GRK5: variants seen among roughly 807,000 people sequenced by gnomAD.
GRK5 encodes the protein G protein-coupled receptor kinase 5.
A neutral mutation model predicts 78.4 loss-of-function variants in GRK5; 40 were observed. The observed-to-expected ratio is 0.51, with a 90% CI of 0.40 to 0.66. The LOEUF (loss-of-function observed/expected upper bound fraction) is 0.66, where lower values mean the gene tolerates loss of function less well. GRK5 is among the 30% of genes least tolerant of loss of function. The probability of loss-of-function intolerance (pLI) is 0.00; values close to 1 mark genes in which losing one functional copy is unlikely to be tolerated. For missense variants in GRK5, 598 were observed against 759.9 expected (o/e 0.79, Z 2.50); for synonymous variants, 289 against 296.8 (o/e 0.97, Z 0.27).
intron 1 of GRK5, among the ~76,000 whole-genome samples, chr10:119,210,163 G>A (rs570898285): frequency 5.3e-5 from 8 of 152,214 alleles, no homozygotes; most frequent in East Asian, 1.9e-4. Flanking sequence ...CCTTTTAAAG[G>A]CTTTTTCAAT....
chr10:119,291,570 TTCCTCCTCCTCCTCTTCC>T (rs1589725219), intron 1 of GRK5, among the ~76,000 whole-genome samples: 21 of 86,104 alleles, frequency 2.4e-4, no homozygotes, highest in South Asian at 8.8e-4. Context: ...CCTCCTCCTC[TTCCTCCTCCTCCTCTTCC>T]TCCTCCTCCT....
chr10:119,250,670 C>T (rs1308275352), intron 1 of GRK5, among the ~76,000 whole-genome samples: 2 of 152,106 alleles, frequency 1.3e-5, no homozygotes, highest in African/African-American at 2.4e-5. Context: ...ATTCCATCCA[C>T]ACTTTTTCCT....
chr10:119,369,060 A>G (rs2133818299), intron 2 of GRK5, among the ~76,000 whole-genome samples: 1 of 152,304 alleles, frequency 6.6e-6, no homozygotes, highest in East Asian at 1.9e-4. Context: ...TGGGCCGGGC[A>G]CTGATCCAGG....
chr10:119,221,182 ATG>A (rs1564852999), intron 1 of GRK5, among the ~76,000 whole-genome samples: 1 of 152,014 alleles, frequency 6.6e-6, no homozygotes, highest in Non-Finnish European at 1.5e-5. Flanking sequence ...CCAAAGGACC[ATG>A]TAAAGCATCT....
rs79799800 is a variant in GRK5, at chr10:119,232,173, C to T, written c.52+24204C>T. On this transcript the variant is annotated intron_variant, in intron 1 of 15. Coordinates refer to ENST00000392870, the MANE Select transcript of GRK5 (RefSeq NM_005308.3). ...CCCTGAAGAATGAAGTCTTGCCATT[C>T]GCAGCAACATGGATGGAACTGGAGG... is the stretch of plus-strand genomic sequence containing the variant. 2.1e-3 allele frequency among the ~76,000 whole-genome samples: 316 copies of T among 152,206 alleles called. 4 individuals are homozygous for T. The East Asian group carries it at 0.034, about 16-fold the overall frequency.
At chr10:119,281,070 G>A (rs940808188) in intron 1 of GRK5, among the ~76,000 whole-genome samples, 4 of 151,772 alleles carry the variant, frequency 2.6e-5, no homozygotes, top group African/African-American at 9.7e-5. Context: ...GAACCACCAC[G>A]CCCATCTGAT....
chr10:119,221,105 G>C (rs867835992), intron 1 of GRK5, among the ~76,000 whole-genome samples: 2 of 151,978 alleles, frequency 1.3e-5, no homozygotes, highest in African/African-American at 4.8e-5. Flanking sequence ...GCAGTGAGCC[G>C]AGATCGTGCC....
intron 4 of GRK5, among the ~76,000 whole-genome samples, chr10:119,421,576 TG>T (rs1852570020): frequency 1.3e-5 from 2 of 152,220 alleles, no homozygotes; most frequent in South Asian, 4.1e-4. Flanking sequence ...CTGTGTCTCC[TG>T]GGGCAGAGTG....
At chr10:119,215,345 G>T (rs1374224398) in intron 1 of GRK5, among the ~76,000 whole-genome samples, 1 of 152,088 alleles carries the variant, frequency 6.6e-6, no homozygotes, top group Non-Finnish European at 1.5e-5. Context: ...TGCATTTAGT[G>T]AGTGTGATAA....
At chr10:119,313,103 AATG>A (rs1277064168) in intron 1 of GRK5, among the ~76,000 whole-genome samples, 2 of 48,574 alleles carry the variant, frequency 4.1e-5, no homozygotes, top group Non-Finnish European at 8.3e-5. Flanking sequence ...TGGTGATGGT[AATG>A]ATGGTAGTGG....
intron 1 of GRK5, among the ~76,000 whole-genome samples, chr10:119,231,512 C>T (rs549463478): frequency 2.6e-5 from 4 of 151,876 alleles, no homozygotes; most frequent in African/African-American, 9.7e-5. Context: ...TCGAAACCAG[C>T]CTGACCAACA....
rs1351840542 is a variant in GRK5 at position 119,455,808 on chromosome 10, C to A, written c.*741C>A. 2.5e-5 allele frequency: 4 copies of A among 159,570 alleles called. No individual in the cohort carries two copies. The Admixed American group carries it at 2.6e-4, about 10-fold the overall frequency. 9.9% of individuals were successfully genotyped at this position (159,570 alleles called of 1,614,324 possible). A position where few individuals can be genotyped will look rare whatever the true frequency, so the allele number is the denominator to read the frequency against. On this transcript the variant is annotated 3_prime_UTR_variant, in exon 16 of 16. Coordinates refer to ENST00000392870, the MANE Select transcript of GRK5 (RefSeq NM_005308.3). ...GGAGTCGCCTAGGCTGAGCCCTTCT[C>A]CTCGAGGGGCACGCCGAGCCACTGT...
rs118162653 is a variant in GRK5 at position 119,407,022 on chromosome 10, C to A, written c.339+10250C>A. On this transcript the variant is annotated intron_variant, in intron 4 of 15. Transcript: ENST00000392870. Reference sequence around the variant, plus strand: ...ACTCAGGATGGGCGCCCAGGGAAATCTCAGGGGCTGCCCAGTTCTGGGCCC... The same window carrying A: ...ACTCAGGATGGGCGCCCAGGGAAATATCAGGGGCTGCCCAGTTCTGGGCCC... 7.6e-3 allele frequency among the ~76,000 whole-genome samples: 1,153 copies of A among 152,360 alleles called. 12 individuals are homozygous for A. Among genetic ancestry groups the A allele is most frequent in the Non-Finnish European group, 0.012 (825 of 68,034 alleles).
rs1003188883 is a variant in GRK5, at chr10:119,412,875, C to T, written c.340-10291C>T. ...CCTCTGCTTTCCCCACCCCAGACCC[C>T]GTCGCTGCAGCTGGGTGAGCAGGGC... On this transcript the variant is annotated intron_variant, in intron 4 of 15. Coordinates refer to ENST00000392870, the MANE Select transcript of GRK5 (RefSeq NM_005308.3). The surrounding 1 kb of genome is among the most constrained non-coding windows in gnomAD (Gnocchi z 4.3). Among the ~76,000 whole-genome samples, 11 of 152,166 alleles carry T rather than the reference C, an allele frequency of 7.2e-5. No individual in the cohort carries two copies. The highest frequency in any genetic ancestry group is 2.6e-4 in the Admixed American group (4 of 15,278).
In GRK5 at chr10:119,431,550, T is replaced by C. The variant is rs1852817435; in HGVS notation, c.738+23T>C. 1 of 1,606,924 alleles carries C rather than the reference T, an allele frequency of 6.2e-7. No individual in the cohort carries two copies. Among genetic ancestry groups the C allele is most frequent in the Non-Finnish European group, 8.5e-7 (1 of 1,176,146 alleles). On this transcript the variant is annotated intron_variant, in intron 8 of 15. Coordinates refer to ENST00000392870, the MANE Select transcript of GRK5 (RefSeq NM_005308.3). The surrounding 1 kb of genome is among the most constrained non-coding windows in gnomAD (Gnocchi z 4.8). ...GTGGTGAGTGAGCATCTGGGCCCAG[T>C]GACCGGCTCGCCCTTCTGTGGACTG...
At position 119,412,298 on chromosome 10, in the gene GRK5, C is replaced by G. The variant is rs572250918; in HGVS notation, c.340-10868C>G. Among the ~76,000 whole-genome samples the G allele has an allele frequency of 6.6e-6, 1 of 152,334 alleles. No homozygotes were observed. The highest frequency in any genetic ancestry group is 2.4e-5 in the African/African-American group (1 of 41,576). ...CACAGGCTGCCGGTCCGGTGTGTCT[C>G]TGCCTGGCAGGGCTGTGCCTGGCAC... On this transcript the variant is annotated intron_variant, in intron 4 of 15. Coordinates refer to ENST00000392870, the MANE Select transcript of GRK5 (RefSeq NM_005308.3). The surrounding 1 kb of genome is among the most constrained non-coding windows in gnomAD (Gnocchi z 4.3).
At chr10:119,231,517 C>T (rs545748953) in intron 1 of GRK5, among the ~76,000 whole-genome samples, 3 of 151,762 alleles carry the variant, frequency 2.0e-5, no homozygotes, top group East Asian at 1.9e-4. Context: ...ACCAGCCTGA[C>T]CAACATGGTG....
intron 4 of GRK5, among the ~76,000 whole-genome samples, chr10:119,408,041 T>A (rs1852271074): frequency 6.6e-6 from 1 of 151,672 alleles, no homozygotes; most frequent in Non-Finnish European, 1.5e-5. Context: ...TGGATGCCTG[T>A]ATTCCCAGCT....
rs919613085 is a variant in GRK5 at position 119,430,643 on chromosome 10, C to T, written c.597+205C>T. 3.3e-5 allele frequency among the ~76,000 whole-genome samples: 5 copies of T among 151,962 alleles called. No individual in the cohort carries two copies. The highest frequency in any genetic ancestry group is 2.0e-4 in the Admixed American group (3 of 15,262). ...TCTATGGTGGAAAGAGGTTGTGGAG[C>T]TGGGCAGGTGAGACAGACGTGCTCT... On this transcript the variant is annotated intron_variant, in intron 7 of 15. Transcript: ENST00000392870. The surrounding 1 kb of genome is among the most constrained non-coding windows in gnomAD (Gnocchi z 4.5).
Sources: allele counts gnomAD v4.1 joint callset (sites outside exome capture counted in the v4.1 genomes callset), GRCh38; gene constraint gnomAD v4.1.1; non-coding constraint Gnocchi (gnomAD v3.1); transcripts MANE v1.5; gene names NCBI Gene and HGNC (gene_info 2026-07-23, HGNC 2026-07-21).